ITIH4: variants seen among roughly 807,000 people sequenced by gnomAD.
The protein encoded by ITIH4 is inter-alpha-trypsin inhibitor heavy chain H4.
A neutral mutation model predicts 111.8 loss-of-function variants in ITIH4; 79 were observed. That is an observed-to-expected ratio of 0.71 (90% confidence interval 0.59 to 0.85). The LOEUF (loss-of-function observed/expected upper bound fraction) is 0.85, where lower values mean the gene tolerates loss of function less well. Among genes scored for constraint, ITIH4 ranks in the 40% least tolerant of loss-of-function variants. ITIH4 has a pLI of 0.00. For missense variants in ITIH4, 1,065 were observed against 1,195.8 expected (o/e 0.89, Z 1.61); for synonymous variants, 472 against 468.3 (o/e 1.01, Z -0.10).
intron 17 of ITIH4, 181 bp downstream of exon 17, chr3:52,819,212 C>T: frequency 1.5e-6 from 1 of 654,678 alleles, no homozygotes; most frequent in Middle Eastern, 4.3e-4. Context: ...AATGCACTCC[C>T]ACCCCAGCCC....
chr3:52,823,776 T>TA, intron 10 of ITIH4, 35 bp from the exon 11 acceptor site: 1 of 1,613,874 alleles, frequency 6.2e-7, no homozygotes, highest in South Asian at 1.1e-5. Flanking sequence ...GGCTGGGCTT[T>TA]ATGACTGCCC....
chr3:52,820,534 A>C, intron 13 of ITIH4, 97 bp downstream of exon 13: 1 of 1,427,364 alleles, frequency 7.0e-7, no homozygotes, highest in South Asian at 1.3e-5. Context: ...TGTTGGGGGC[A>C]CGGTTGGGGT....
chr3:52,830,042 T>G (rs1700543110), intron 1 of ITIH4: 1 of 300,968 alleles, frequency 3.3e-6, no homozygotes, highest in Non-Finnish European at 6.4e-6. Context: ...TGAATGCAGT[T>G]TGGCACAGAG....
intron 20 of ITIH4, 152 bp from the exon 21 acceptor site, chr3:52,817,210 C>G: frequency 1.6e-6 from 1 of 621,006 alleles, no homozygotes; most frequent in Non-Finnish European, 2.8e-6. Context: ...CACTCCTTCA[C>G]ACTGGGGGCT....
At chr3:52,827,284 C>T (rs943669060) in intron 2 of ITIH4, 87 bp from the exon 3 acceptor site, 106 of 1,041,258 alleles carry the variant, frequency 1.0e-4, no homozygotes, top group Middle Eastern at 2.6e-4. Flanking sequence ...TTTCTGGACT[C>T]GGTGTGCCTC....
chr3:52,828,076 T>G (rs1163228110), intron 2 of ITIH4, among the ~76,000 whole-genome samples: 1 of 152,144 alleles, frequency 6.6e-6, no homozygotes. Context: ...TCCCCCTGGG[T>G]AGGCAGTGCT....
rs370112958 is a variant in ITIH4 at position 52,824,984 on chromosome 3, G to A, written c.760-26C>T. 4 of 1,517,466 alleles carry A rather than the reference G, an allele frequency of 2.6e-6. No homozygotes were observed. The African/African-American group carries it at 5.5e-5, about 21-fold the overall frequency. 94.0% of individuals were successfully genotyped at this position (1,517,466 alleles called of 1,614,324 possible). On this transcript the variant is annotated intron_variant, in intron 6 of 23. Coordinates refer to ENST00000266041, the MANE Select transcript of ITIH4 (RefSeq NM_002218.5). This position sits in a 1 kb window ranked among gnomAD's most constrained non-coding sequence, Gnocchi z 4.3. ...CTGTGGCCAGAGTGAGACCCACCCA[G>A]GCCATCAGAGCTACAATTGGCCCTA...
chr3:52,817,977 C>CTG (rs576867713), intron 20 of ITIH4, 75 bp downstream of exon 20: 1 of 1,144,970 alleles, frequency 8.7e-7, no homozygotes, highest in African/African-American at 1.5e-5. Context: ...CCTGCACGCG[C>CTG]TGTGTGTGTC....
At position 52,826,874 on chromosome 3, in the gene ITIH4, A is replaced by G. The variant is rs369245517; in HGVS notation, c.436T>C (p.Tyr146His). Reference protein sequence around the residue: ...PNAKITFELVYEELLKRRLGV... With the variant: ...PNAKITFELVHEELLKRRLGV... Reference sequence around the variant, plus strand: ...AAACGCCGCTTGAGCAGCTCCTCATAGACCAGCTCAAAGGTGATCTTGGCA... The same window carrying G: ...AAACGCCGCTTGAGCAGCTCCTCATGGACCAGCTCAAAGGTGATCTTGGCA... Residue 146 changes from tyrosine to histidine, a missense_variant, in exon 4 of 24, where the codon TAT becomes CAT. Coordinates refer to ENST00000266041, the MANE Select transcript of ITIH4 (RefSeq NM_002218.5). 2 of 1,614,054 alleles carry G rather than the reference A, an allele frequency of 1.2e-6. No homozygotes were observed. Among genetic ancestry groups the G allele is most frequent in the Non-Finnish European group, 1.7e-6 (2 of 1,180,030 alleles).
chr3:52,819,255 A>G (rs1376370059), intron 17 of ITIH4, 138 bp downstream of exon 17: 9 of 937,780 alleles, frequency 9.6e-6, no homozygotes, highest in East Asian at 5.3e-5. Flanking sequence ...CTGACCCACA[A>G]TTACTTCACA....
chr3:52,825,777 A>G (rs1700470249), intron 6 of ITIH4, 109 bp downstream of exon 6: 1 of 1,254,804 alleles, frequency 8.0e-7, no homozygotes, highest in South Asian at 1.6e-5. Context: ...TCCCTGGTGC[A>G]CACTGCTAAG....
intron 17 of ITIH4, 129 bp downstream of exon 17, chr3:52,819,264 C>T (rs781482612): frequency 7.2e-5 from 73 of 1,017,760 alleles, no homozygotes; most frequent in Admixed American, 2.5e-4. Flanking sequence ...AATTACTTCA[C>T]ATCGTGCCCT....
intron 1 of ITIH4, chr3:52,830,083 A>ATT (rs1168477627): frequency 1.9e-5 from 6 of 312,554 alleles, no homozygotes; most frequent in Non-Finnish European, 3.7e-5. Context: ...GTGCTTGGGT[A>ATT]TTTGCTCTGC....
chr3:52,821,789 C>A (rs977402317), intron 11 of ITIH4, among the ~76,000 whole-genome samples: 7 of 152,132 alleles, frequency 4.6e-5, no homozygotes, highest in African/African-American at 1.7e-4. Context: ...GCTCCTAGGG[C>A]AGAGGAATCC....
intron 23 of ITIH4, 27 bp downstream of exon 23, chr3:52,813,948 C>G (rs1364960700): frequency 7.5e-6 from 12 of 1,591,072 alleles, no homozygotes; most frequent in African/African-American, 1.3e-5. Flanking sequence ...CCCAGCTGGG[C>G]TCAGCGGTCT....
chr3:52,827,233 G>C (rs1700497147), intron 2 of ITIH4, 36 bp from the exon 3 acceptor site: 3 of 1,549,320 alleles, frequency 1.9e-6, no homozygotes, highest in Non-Finnish European at 2.7e-6. Context: ...TGAGAGCCTG[G>C]TGGCAGGGGC....
Position 52,813,224 on chromosome 3 carries a change from G to A in ITIH4, c.*197C>T. The A allele has an allele frequency of 1.7e-6, 1 of 603,826 alleles. No homozygotes were observed. The highest frequency in any genetic ancestry group is 3.0e-6 in the Non-Finnish European group (1 of 334,326). The allele number at this position is 603,826 out of a possible 1,614,324, so 37.4% of individuals were successfully genotyped here. ...AGCTTCTGTGTTCCACGATGCTAAG[G>A]TTCAGGATGCGAGGTTGAGGCCCTA... On this transcript the variant is annotated 3_prime_UTR_variant, in exon 24 of 24. Coordinates refer to ENST00000266041, the MANE Select transcript of ITIH4 (RefSeq NM_002218.5).
At chr3:52,828,993 A>G in intron 2 of ITIH4, 126 bp downstream of exon 2, 1 of 800,298 alleles carries the variant, frequency 1.2e-6, no homozygotes, top group East Asian at 2.9e-5. Context: ...CCCCAGGTGC[A>G]GGGTGTACTC....
Position 52,819,462 on chromosome 3 carries a change from G to C in ITIH4, c.2008C>G (p.Leu670Val). 6.2e-7 allele frequency: 1 copy of C among 1,614,178 alleles called. No individual in the cohort carries two copies. The highest frequency in any genetic ancestry group is 8.5e-7 in the Non-Finnish European group (1 of 1,180,014). The change falls in exon 17 of 24, where the codon CTT becomes GTT. Residue 670 changes from leucine to valine, a missense_variant. Coordinates refer to ENST00000266041, the MANE Select transcript of ITIH4 (RefSeq NM_002218.5). ...ACATCAGGAGGTCCTGGGAGTCCAA[G>C]TTGCCTGGAGCTGAGAACCCCAGGT... ...FRPGVLSSRQ[L>V]GLPGPPDVPD...
Sources: allele counts gnomAD v4.1 joint callset (sites outside exome capture counted in the v4.1 genomes callset), GRCh38; gene constraint gnomAD v4.1.1; non-coding constraint Gnocchi (gnomAD v3.1); transcripts MANE v1.5; gene names NCBI Gene and HGNC (gene_info 2026-07-23, HGNC 2026-07-21).